The following GPR149 variants were observed in gnomAD, a reference collection of about 807,000 sequenced individuals.
The protein encoded by GPR149 is G protein-coupled receptor 149, also known as probable G protein-coupled receptor 149.
Under a neutral mutation model 50.2 loss-of-function variants are expected in GPR149, and 50 were observed. The ratio of observed to expected loss-of-function variants is 1.00; its 90% confidence interval spans 0.79 to 1.26. GPR149 has a LOEUF of 1.26. Among genes scored for constraint, GPR149 ranks in the 50% most tolerant of loss-of-function variants. The pLI, the probability that GPR149 is intolerant of heterozygous loss-of-function variation, is 0.00. For synonymous variants in GPR149, 405 were observed against 358.2 expected, an observed-to-expected ratio of 1.13 and a Z score of -1.48; for missense variants, 983 against 895.4, an observed-to-expected ratio of 1.10 and a Z score of -1.25.
chr3:154,428,512 C>T (rs1712372025), intron 1 of GPR149, 123 bp downstream of exon 1: 2 of 1,107,996 alleles, frequency 1.8e-6, no homozygotes, highest in South Asian at 3.1e-5. Context: ...CAGCGAGATA[C>T]ACTTGGAAGC....
intron 3 of GPR149, among the ~76,000 whole-genome samples, chr3:154,355,219 G>T (rs1366516139): frequency 1.3e-5 from 2 of 152,064 alleles, no homozygotes; most frequent in Non-Finnish European, 2.9e-5. Flanking sequence ...ATAGAGATGG[G>T]GTTTCACCAT....
intron 1 of GPR149, 75 bp downstream of exon 1, chr3:154,428,560 G>T: frequency 6.7e-7 from 1 of 1,495,418 alleles, no homozygotes; most frequent in South Asian, 1.3e-5. Context: ...TCCCCAAACC[G>T]GCGACGCCGG....
At chr3:154,399,964 T>C (rs911388694) in intron 3 of GPR149, among the ~76,000 whole-genome samples, 1 of 152,198 alleles carries the variant, frequency 6.6e-6, no homozygotes, top group Non-Finnish European at 1.5e-5. Context: ...TATACGTGTG[T>C]CAATAATTGT....
chr3:154,395,728 G>C (rs1350919737), intron 3 of GPR149, among the ~76,000 whole-genome samples: 1 of 152,098 alleles, frequency 6.6e-6, no homozygotes, highest in Non-Finnish European at 1.5e-5. Flanking sequence ...CCAAAAGTTG[G>C]AGGCTTCAGT....
intron 3 of GPR149, among the ~76,000 whole-genome samples, chr3:154,354,534 A>T (rs1714170549): frequency 6.6e-6 from 1 of 151,426 alleles, no homozygotes; most frequent in Non-Finnish European, 1.5e-5. Context: ...GCACCCTGTG[A>T]TCCTCTGAGT....
At chr3:154,424,049 G>A (rs901810881) in intron 2 of GPR149, among the ~76,000 whole-genome samples, 2 of 151,836 alleles carry the variant, frequency 1.3e-5, no homozygotes, top group Non-Finnish European at 2.9e-5. Context: ...CTCAGCTCCA[G>A]CCAGTTGTGG....
At chr3:154,359,560 G>GT (rs1347724955) in intron 3 of GPR149, among the ~76,000 whole-genome samples, 1 of 152,162 alleles carries the variant, frequency 6.6e-6, no homozygotes, top group Non-Finnish European at 1.5e-5. Context: ...GCCCACAGAG[G>GT]TCGTGGTTAT....
At chr3:154,407,991 C>T (rs2108421892) in intron 3 of GPR149, among the ~76,000 whole-genome samples, 1 of 152,140 alleles carries the variant, frequency 6.6e-6, no homozygotes, top group Middle Eastern at 3.4e-3. Context: ...CATGAAAGAG[C>T]TCCCAATGGC....
intron 3 of GPR149, chr3:154,354,570 CT>C (rs919279964): frequency 3.8e-3 from 645 of 169,124 alleles, no homozygotes; most frequent in Middle Eastern, 7.8e-3. Context: ...TTTCCTTTTC[CT>C]TTTTTTTTTG....
intron 3 of GPR149, among the ~76,000 whole-genome samples, chr3:154,391,171 C>T (rs560641148): frequency 1.7e-4 from 26 of 151,884 alleles, no homozygotes; most frequent in Non-Finnish European, 2.8e-4. Context: ...TACTATAATA[C>T]TGTAATGGTA....
Position 154,429,020 on chromosome 3 carries a change from G to A in GPR149, c.596C>T (p.Ala199Val), listed in dbSNP as rs1174170078. 2 of 1,613,990 alleles carry A rather than the reference G, an allele frequency of 1.2e-6. No homozygotes were observed. Among genetic ancestry groups the A allele is most frequent in the Non-Finnish European group, 1.7e-6 (2 of 1,180,042 alleles). The change falls in exon 1 of 4, where the codon GCT becomes GTT. Residue 199 changes from alanine (A) to valine (V), a missense_variant. Coordinates refer to ENST00000389740, the MANE Select transcript of GPR149 (RefSeq NM_001038705.3). ...GCCCACGAGGAGTCCGAAGGCCAAAGCGTACACGATAGAGAGGAATAGTAC... is the reference window on the plus strand; with the variant it reads ...GCCCACGAGGAGTCCGAAGGCCAAAACGTACACGATAGAGAGGAATAGTAC... ...SYVLFLSIVY[A>V]LAFGLLVGLS...
chr3:154,394,976 CTTTA>C (rs1449949924), intron 3 of GPR149, among the ~76,000 whole-genome samples: 1 of 152,206 alleles, frequency 6.6e-6, no homozygotes, highest in East Asian at 1.9e-4. Flanking sequence ...CTCCTCCCTT[CTTTA>C]TTTATAAAAC....
chr3:154,353,165 C>G (rs1162739025), intron 3 of GPR149: 75 of 1,523,770 alleles, frequency 4.9e-5, no homozygotes, highest in Non-Finnish European at 6.1e-5. Context: ...TAATAGCCCT[C>G]CCTTCAGACC....
At position 154,338,085 on chromosome 3, in the gene GPR149, C is replaced by T. The variant is rs1713698260; in HGVS notation, c.1810G>A (p.Glu604Lys). 6.2e-7 allele frequency: 1 copy of T among 1,614,162 alleles called. No homozygotes were observed. ...TCCACAAACGTGGATGAAGAATCTTCTGAGTTTGGTTCATGGCCAACACTT... is the reference window on the plus strand; with the variant it reads ...TCCACAAACGTGGATGAAGAATCTTTTGAGTTTGGTTCATGGCCAACACTT... ...SKSVGHEPNS[E>K]DSSSTFVDTS... The change falls in exon 4 of 4, where the codon GAA (glutamate) becomes AAA (lysine). Residue 604 changes from glutamate (E) to lysine (K), a missense_variant. Glu to Lys is a moderately conservative substitution (Grantham distance 56, BLOSUM62 1). Coordinates refer to ENST00000389740, the MANE Select transcript of GPR149 (RefSeq NM_001038705.3).
Position 154,429,807 on chromosome 3 carries a change from T to C in GPR149, c.-192A>G. 1 of 434,442 alleles carries C rather than the reference T, an allele frequency of 2.3e-6. No individual in the cohort carries two copies. Among genetic ancestry groups the C allele is most frequent in the Non-Finnish European group, 3.9e-6 (1 of 253,168 alleles). 26.9% of individuals were successfully genotyped at this position (434,442 alleles called of 1,614,324 possible). A position where few individuals can be genotyped will look rare whatever the true frequency, so the allele number is the denominator to read the frequency against. ...ACTCAAGCTATATTTAAAAATTAGG[T>C]TCCATTTCAAGCATAAAAAAAAAAA... On this transcript the variant is annotated 5_prime_UTR_variant, in exon 1 of 4. Coordinates refer to ENST00000389740, the MANE Select transcript of GPR149 (RefSeq NM_001038705.3).
chr3:154,365,991 CTACCCAT>C (rs1714523056), intron 3 of GPR149, among the ~76,000 whole-genome samples: 1 of 152,216 alleles, frequency 6.6e-6, no homozygotes, highest in Non-Finnish European at 1.5e-5. Context: ...GGTCAAGCCT[CTACCCAT>C]TATCTATTTC....
chr3:154,372,518 G>A (rs1714688925), intron 3 of GPR149, among the ~76,000 whole-genome samples: 2 of 152,234 alleles, frequency 1.3e-5, no homozygotes, highest in Middle Eastern at 3.4e-3. Flanking sequence ...CCGCTGCAAG[G>A]TCATAAAGTA....
chr3:154,353,057 T>C (rs1714121915), intron 3 of GPR149: 2 of 1,409,770 alleles, frequency 1.4e-6, no homozygotes, highest in Non-Finnish European at 2.0e-6. Flanking sequence ...TAATTTCTCT[T>C]TGTGACTGTG....
chr3:154,392,157 T>C (rs1260655931), intron 3 of GPR149, among the ~76,000 whole-genome samples: 1 of 151,682 alleles, frequency 6.6e-6, no homozygotes, highest in African/African-American at 2.4e-5. Context: ...AACAAATTAA[T>C]CTAACAGATC....
Sources: gnomAD v4.1 joint callset for allele counts (sites outside exome capture counted in the v4.1 genomes callset) on GRCh38, gnomAD v4.1.1 for gene constraint, MANE v1.5 for transcripts, NCBI Gene and HGNC (gene_info 2026-07-23, HGNC 2026-07-21) for gene names.